The following EML5 variants were observed in gnomAD, a reference collection of about 807,000 sequenced individuals.
EML5 encodes echinoderm microtubule-associated protein-like 5.
In EML5, 120 loss-of-function variants were observed where a neutral mutation model predicts 250.0. That is an observed-to-expected ratio of 0.48 (90% CI 0.41 to 0.56). The LOEUF is 0.56. Among genes scored for constraint, EML5 ranks in the 20% least tolerant of loss-of-function variants. The pLI, the probability that EML5 is intolerant of heterozygous loss-of-function variation, is 0.00. For synonymous variants in EML5, 771 were observed against 806.5 expected (o/e 0.96, Z 0.75); for missense variants, 2,006 against 2,437.6 (o/e 0.82, Z 3.73).
Position 88,736,515 on chromosome 14 carries a change from T to C in EML5, c.898A>G (p.Thr300Ala). 2 of 1,614,016 alleles carry C rather than the reference T, an allele frequency of 1.2e-6. No individual in the cohort carries two copies. The highest frequency in any genetic ancestry group is 1.7e-6 in the Non-Finnish European group (2 of 1,179,882). Residue 300 changes from threonine (T) to alanine (A), a missense_variant, in exon 7 of 44, where the codon ACA (threonine) becomes GCA (alanine). Thr to Ala is a moderately conservative substitution (Grantham distance 58, BLOSUM62 0). Around this residue, in one of 7 missense-constraint regions of EML5, gnomAD observed 1,375 missense variants for 1,590.3 expected, o/e 0.86. Transcript: ENST00000554922. ...ATTTCAAAAATTTCACTGTCCTGTG[T>C]TCCAACTAGAATGTGGTCACCTCGC... is the stretch of plus-strand genomic sequence containing the variant. ...CWRGDHILVG[T>A]QDSEIFEIVV...
intron 1 of EML5, among the ~76,000 whole-genome samples, chr14:88,780,142 G>T (rs994598680): frequency 2.6e-5 from 4 of 151,958 alleles, no homozygotes; most frequent in Admixed American, 2.0e-4. Flanking sequence ...AGTACAGATG[G>T]GGTTTCACCA....
chr14:88,618,204 C>T (rs758738796), intron 41 of EML5, 24 bp downstream of exon 41: 2 of 1,600,092 alleles, frequency 1.2e-6, no homozygotes, highest in African/African-American at 1.3e-5. Context: ...TCAGTTCTTG[C>T]CTTGTGAATA....
chr14:88,776,718 C>CA (rs35613883), intron 1 of EML5, among the ~76,000 whole-genome samples: 58,669 of 144,786 alleles, frequency 0.41, 13,883 homozygotes, highest in African/African-American at 0.66. Flanking sequence ...CTGTCTCTAC[C>CA]AAAAAAAAAA....
intron 1 of EML5, among the ~76,000 whole-genome samples, chr14:88,785,525 C>T (rs902112396): frequency 1.2e-4 from 19 of 152,296 alleles, no homozygotes; most frequent in African/African-American, 4.3e-4. Flanking sequence ...ATCTTTCCTT[C>T]TGTCCAAAAT....
At chr14:88,679,113 A>G (rs191880943) in intron 21 of EML5, among the ~76,000 whole-genome samples, 7 of 150,280 alleles carry the variant, frequency 4.7e-5, no homozygotes, top group Non-Finnish European at 8.9e-5. Context: ...ATATCTTCAC[A>G]TGGCCTTCTT....
In EML5 at chr14:88,620,914, T is replaced by C. The variant is rs1375838844; in HGVS notation, c.5215A>G (p.Lys1739Glu). 2 of 1,507,322 alleles carry C rather than the reference T, an allele frequency of 1.3e-6. No homozygotes were observed. Among genetic ancestry groups the C allele is most frequent in the Non-Finnish European group, 8.8e-7 (1 of 1,135,606 alleles). The allele number at this position is 1,507,322 out of a possible 1,614,324, so 93.4% of individuals were successfully genotyped here. The stretch of plus-strand genomic sequence containing the variant: ...CGAGCAGCATGTCCCAAATTCACTT[T>C]GTTTAACATCTTCTGCATTTAAAAA... The part of the protein sequence containing the change: ...WDIADKKMLN[K>E]VNLGHAARTV... Residue 1739 changes from lysine to glutamate, a missense_variant, in exon 39 of 44, where the codon AAA becomes GAA. Transcript: ENST00000554922. This position sits in a 1 kb window ranked among gnomAD's most constrained non-coding sequence, Gnocchi z 4.3.
chr14:88,764,409 T>C (rs2094292862), intron 1 of EML5, among the ~76,000 whole-genome samples: 1 of 152,246 alleles, frequency 6.6e-6, no homozygotes, highest in South Asian at 2.1e-4. Flanking sequence ...AAGTTGTTTA[T>C]AGTAATCCCT....
At chr14:88,710,338 A>G (rs1345784430) in intron 10 of EML5, among the ~76,000 whole-genome samples, 1 of 152,236 alleles carries the variant, frequency 6.6e-6, no homozygotes, top group African/African-American at 2.4e-5. Flanking sequence ...ATTCTATAAC[A>G]TAAACTACTT....
chr14:88,697,231 A>G (rs76854902), intron 14 of EML5, among the ~76,000 whole-genome samples: 3,019 of 152,296 alleles, frequency 0.02, 95 homozygotes, highest in African/African-American at 0.066. Context: ...TGCTTACTGA[A>G]TATCTATTGT....
In EML5 at chr14:88,620,616, A is replaced by T. The variant is rs191416975; in HGVS notation, c.5375+138T>A. 339 of 694,704 alleles carry T rather than the reference A, an allele frequency of 4.9e-4. 1 individual carries two copies. Among genetic ancestry groups the T allele is most frequent in the African/African-American group, 4.7e-3 (255 of 53,838 alleles). 43.0% of individuals were successfully genotyped at this position (694,704 alleles called of 1,614,324 possible). ...AATTAAGTAGTATACAAACAGCCAT[A>T]TTTTAGCATACAATTTATAATACGG... On this transcript the variant is annotated intron_variant, in intron 39 of 43. Coordinates refer to ENST00000554922, the MANE Select transcript of EML5 (RefSeq NM_183387.3). This position sits in a 1 kb window ranked among gnomAD's most constrained non-coding sequence, Gnocchi z 4.3.
At chr14:88,656,139 A>G (rs1027531542) in intron 27 of EML5, among the ~76,000 whole-genome samples, 1 of 152,244 alleles carries the variant, frequency 6.6e-6, no homozygotes, top group South Asian at 2.1e-4. Flanking sequence ...AGGATTATAA[A>G]TCATTCTACT....
At chr14:88,735,443 T>A (rs1166757725) in intron 7 of EML5, among the ~76,000 whole-genome samples, 1 of 152,140 alleles carries the variant, frequency 6.6e-6, no homozygotes, top group African/African-American at 2.4e-5. Flanking sequence ...AAATGTCCTC[T>A]AAACATATAA....
chr14:88,753,006 C>T lies in EML5; in HGVS notation c.357+1506G>A, dbSNP rs73327340. On this transcript the variant is annotated intron_variant, in intron 2 of 43. Coordinates refer to ENST00000554922, the MANE Select transcript of EML5 (RefSeq NM_183387.3). ...TTCGTGTAACCTGGTTCTTCCTGGA[C>T]GCTGGACAATCCAGGATGCACTGGG... Among the ~76,000 whole-genome samples, 255 of 152,260 alleles carry T rather than the reference C, an allele frequency of 1.7e-3. 2 individuals are homozygous for T. The highest frequency in any genetic ancestry group is 6.0e-3 in the African/African-American group (251 of 41,546).
chr14:88,684,002 CAAG>C (rs1296346419), intron 20 of EML5, among the ~76,000 whole-genome samples: 4 of 151,766 alleles, frequency 2.6e-5, no homozygotes, highest in East Asian at 3.9e-4. Context: ...CCAGATTGGA[CAAG>C]AAGAAGTAAA....
intron 42 of EML5, 78 bp downstream of exon 42, chr14:88,616,648 A>G: frequency 7.5e-7 from 1 of 1,341,222 alleles, no homozygotes; most frequent in East Asian, 2.5e-5. Context: ...AACATTTTAA[A>G]TATATGGGGA....
chr14:88,726,493 G>T, intron 8 of EML5, 48 bp downstream of exon 8: 1 of 1,510,362 alleles, frequency 6.6e-7, no homozygotes, highest in South Asian at 1.3e-5. Context: ...CTTATATTCT[G>T]TATCACTGAA....
intron 8 of EML5, among the ~76,000 whole-genome samples, chr14:88,719,661 C>A (rs936869948): frequency 7.3e-5 from 11 of 151,116 alleles, no homozygotes; most frequent in African/African-American, 2.7e-4. Flanking sequence ...TCATATGACT[C>A]TATGATATGA....
At chr14:88,722,739 A>G (rs1294752047) in intron 8 of EML5, among the ~76,000 whole-genome samples, 1 of 152,098 alleles carries the variant, frequency 6.6e-6, no homozygotes, top group Non-Finnish European at 1.5e-5. Context: ...CTTACTGCTC[A>G]AGGTCATTGC....
chr14:88,695,858 T>C (rs1243447706), intron 15 of EML5, among the ~76,000 whole-genome samples: 4 of 152,108 alleles, frequency 2.6e-5, no homozygotes, highest in African/African-American at 4.8e-5. Flanking sequence ...GAAAAGTTAA[T>C]CAAATGAAAA....
Sources: allele counts gnomAD v4.1 joint callset (sites outside exome capture counted in the v4.1 genomes callset), GRCh38; gene constraint gnomAD v4.1.1; regional missense constraint gnomAD v4.1.1; non-coding constraint Gnocchi (gnomAD v3.1); transcripts MANE v1.5; gene names NCBI Gene and HGNC (gene_info 2026-07-23, HGNC 2026-07-21).